Variants in ADGRE3 observed in about 807,000 individuals in gnomAD.
ADGRE3 encodes EGF-like module receptor 3.
ADGRE3 carries 88 observed loss-of-function variants against 80.1 expected under a neutral mutation model. The observed-to-expected ratio is 1.10, with a 90% CI of 0.93 to 1.31. ADGRE3 has a LOEUF of 1.31. Among genes scored for constraint, ADGRE3 ranks in the 40% most tolerant of loss-of-function variants. The probability of loss-of-function intolerance (pLI) is 0.00; values close to 1 mark genes in which losing one functional copy is unlikely to be tolerated. For synonymous variants in ADGRE3, 281 were observed against 294.8 expected (o/e 0.95, Z 0.48); for missense variants, 715 against 776.5 (o/e 0.92, Z 0.94).
intron 15 of ADGRE3, 108 bp from the exon 16 acceptor site, chr19:14,619,579 C>T (rs1437511103): frequency 1.2e-6 from 1 of 853,474 alleles, no homozygotes. Flanking sequence ...CAGTTTGAAC[C>T]AGCAGGCAAG....
chr19:14,619,443 C>T lies in ADGRE3; in HGVS notation c.1949G>A (p.Arg650Lys). ...EGDVFPGQVKRKY is the reference protein window; with the variant it reads ...EGDVFPGQVKKKY ...TTGAATATTCTAGTTTTAATATTTTCTCTTCACTTGTCCTGGAAAAACATC... is the reference window on the plus strand; with the variant it reads ...TTGAATATTCTAGTTTTAATATTTTTTCTTCACTTGTCCTGGAAAAACATC... Residue 650 changes from arginine to lysine, a missense_variant, in exon 16 of 16, where the codon AGA (arginine) becomes AAA (lysine). Arg to Lys is a conservative substitution (Grantham distance 26). Coordinates refer to ENST00000253673, the MANE Select transcript of ADGRE3 (RefSeq NM_032571.5). 6.3e-7 allele frequency: 1 copy of T among 1,591,310 alleles called. No homozygotes were observed. The highest frequency in any genetic ancestry group is 8.6e-7 in the Non-Finnish European group (1 of 1,159,840).
At chr19:14,671,018 C>G (rs541620477) in intron 1 of ADGRE3, among the ~76,000 whole-genome samples, 3 of 152,290 alleles carry the variant, frequency 2.0e-5, no homozygotes, top group Non-Finnish European at 4.4e-5. Flanking sequence ...CTCAAAGTCC[C>G]GTAGAGAGTG....
intron 2 of ADGRE3, among the ~76,000 whole-genome samples, chr19:14,664,354 T>C (rs1466407745): frequency 6.6e-6 from 1 of 152,106 alleles, no homozygotes; most frequent in Non-Finnish European, 1.5e-5. Context: ...GGAGAATGGC[T>C]TGAATCCGGG....
chr19:14,657,180 C>T (rs1971791130), intron 5 of ADGRE3, among the ~76,000 whole-genome samples: 1 of 152,184 alleles, frequency 6.6e-6, no homozygotes, highest in Non-Finnish European at 1.5e-5. Context: ...CATTAGCCGC[C>T]ATGCCCGGCC....
rs78700925 is a variant in ADGRE3, at chr19:14,630,130, G to A, written c.1721C>T (p.Pro574Leu). The A allele has an allele frequency of 2.6e-3, 4,242 of 1,613,638 alleles. 95 individuals carry two copies. In the African/African-American group the frequency reaches 0.05, roughly 19 times the overall value. Residue 574 changes from proline (P) to leucine (L), a missense_variant, in exon 14 of 16, where the codon CCA becomes CTA. Physicochemically the swap from Pro to Leu is moderately conservative, Grantham distance 98. Transcript: ENST00000253673. ...GAGGTAGGCCATGACCTGGGCAGCT[G>A]GACCCACCTGTAGCAAGCCCAGACA... ...TWCLGLLQVGPAAQVMAYLFT... is the reference protein window; with the variant it reads ...TWCLGLLQVGLAAQVMAYLFT...
chr19:14,636,086 CTT>C (rs1297581651), intron 11 of ADGRE3, among the ~76,000 whole-genome samples: 4 of 22,142 alleles, frequency 1.8e-4, no homozygotes, highest in Non-Finnish European at 3.1e-4. Flanking sequence ...CTTTCCCTTT[CTT>C]TCTTTCTTTC....
chr19:14,635,458 G>A (rs552480124), intron 11 of ADGRE3, among the ~76,000 whole-genome samples: 58 of 147,436 alleles, frequency 3.9e-4, no homozygotes, highest in African/African-American at 1.5e-3. Flanking sequence ...TGCCCAGGCT[G>A]GAGAGTGCAA....
downstream of ADGRE3, among the ~76,000 whole-genome samples, chr19:14,617,341 C>CCTCCCTTCCTTTCTTT: frequency 1.7e-5 from 1 of 57,170 alleles, no homozygotes; most frequent in African/African-American, 5.9e-5. Context: ...TCCCTCCCTC[C>CCTCCCTTCCTTTCTTT]CTTTCTTTCT....
Position 14,633,262 on chromosome 19 carries a change from G to C in ADGRE3, c.1525C>G (p.Leu509Val). 1.2e-6 allele frequency: 2 copies of C among 1,612,816 alleles called. No homozygotes were observed. Among genetic ancestry groups the C allele is most frequent in the Non-Finnish European group, 1.7e-6 (2 of 1,179,318 alleles). Residue 509 changes from leucine (L) to valine (V), a missense_variant, in exon 12 of 16, where the codon CTT (leucine) becomes GTT (valine). Leu to Val is a conservative substitution (Grantham distance 32, BLOSUM62 1). Transcript: ENST00000253673. Reference sequence around the variant, plus strand: ...GAGAAAATGGCACAGACTGGGCCAAGGAAACTCCACATGAATCCCTGGTCC... The same window carrying C: ...GAGAAAATGGCACAGACTGGGCCAACGAAACTCCACATGAATCCCTGGTCC... ...HLDQGFMWSF[L>V]GPVCAIFSAN...
At chr19:14,627,900 A>G (rs10422187) in intron 14 of ADGRE3, among the ~76,000 whole-genome samples, 75,253 of 151,568 alleles carry the variant, frequency 0.5, 19,025 homozygotes, top group Non-Finnish European at 0.53. Context: ...AGGCTGAGGC[A>G]GGCAGATCAC....
intron 4 of ADGRE3, among the ~76,000 whole-genome samples, chr19:14,659,984 ATTTT>A (rs1469821753): frequency 6.6e-6 from 1 of 152,062 alleles, no homozygotes; most frequent in Non-Finnish European, 1.5e-5. Flanking sequence ...AATACTGAAC[ATTTT>A]ATCTTAAGAG....
intron 5 of ADGRE3, among the ~76,000 whole-genome samples, chr19:14,658,111 G>C (rs918105653): frequency 1.3e-5 from 2 of 151,966 alleles, no homozygotes; most frequent in Non-Finnish European, 1.5e-5. Context: ...AAATGTCCTC[G>C]TGTAAGTGGA....
chr19:14,617,341 C>CTTTCTTTCTTTCTTTCTTT (rs1599593839), downstream of ADGRE3, among the ~76,000 whole-genome samples: 29 of 57,262 alleles, frequency 5.1e-4, no homozygotes, highest in East Asian at 5.7e-3. Flanking sequence ...TCCCTCCCTC[C>CTTTCTTTCTTTCTTTCTTT]CTTTCTTTCT....
At chr19:14,617,972 A>G (rs1293533031), downstream of ADGRE3, among the ~76,000 whole-genome samples, 6 of 152,166 alleles carry the variant, frequency 3.9e-5, no homozygotes, top group East Asian at 1.2e-3. Context: ...TAAGTTCCAT[A>G]GAACTAGAAC....
chr19:14,647,451 C>G (rs1420884845), intron 7 of ADGRE3, 86 bp from the exon 8 acceptor site: 3 of 1,128,830 alleles, frequency 2.7e-6, no homozygotes, highest in Non-Finnish European at 3.6e-6. Flanking sequence ...TCGCTCTTGT[C>G]GCCCAGCCAG....
intron 1 of ADGRE3, among the ~76,000 whole-genome samples, chr19:14,671,062 C>G (rs1972243656): frequency 6.6e-6 from 1 of 152,158 alleles, no homozygotes; most frequent in Non-Finnish European, 1.5e-5. Context: ...CAGTGCAGAC[C>G]AATTGTAGGA....
At chr19:14,658,090 A>G (rs13344883) in intron 5 of ADGRE3, among the ~76,000 whole-genome samples, 44,163 of 151,922 alleles carry the variant, frequency 0.29, 6,878 homozygotes, top group Middle Eastern at 0.4. Flanking sequence ...TTTGATTCAC[A>G]TTTGGTTGAA....
rs1599595241 is a variant in ADGRE3 at position 14,619,279 on chromosome 19, A to G, written c.*154T>C. On this transcript the variant is annotated 3_prime_UTR_variant, in exon 16 of 16. Coordinates refer to ENST00000253673, the MANE Select transcript of ADGRE3 (RefSeq NM_032571.5). ...TTTACCACACATTTGTTGAGAGCCT[A>G]TTGTGGAGAACAAACAGCTTGGGAA... 3.0e-6 allele frequency: 2 copies of G among 675,178 alleles called. No homozygotes were observed. Among genetic ancestry groups the G allele is most frequent in the East Asian group, 2.6e-5 (1 of 38,000 alleles). The allele number at this position is 675,178 out of a possible 1,614,324, so 41.8% of individuals were successfully genotyped here.
intron 15 of ADGRE3, among the ~76,000 whole-genome samples, chr19:14,619,780 G>A (rs1970483509): frequency 1.3e-5 from 2 of 152,112 alleles, no homozygotes; most frequent in Non-Finnish European, 2.9e-5. Context: ...AGTCTTGTTG[G>A]CTTTGTTTCT....
Sources: gnomAD v4.1 joint callset for allele counts (sites outside exome capture counted in the v4.1 genomes callset) on GRCh38, gnomAD v4.1.1 for gene constraint, MANE v1.5 for transcripts, NCBI Gene and HGNC (gene_info 2026-07-23, HGNC 2026-07-21) for gene names.